The following CADM1 variants were observed in gnomAD, a reference collection of about 807,000 sequenced individuals.
The protein encoded by CADM1 is TSLC-1.
Under a neutral mutation model 53.1 loss-of-function variants are expected in CADM1, and 15 were observed. The observed-to-expected ratio is 0.28, with a 90% confidence interval of 0.19 to 0.44. The LOEUF is 0.44. CADM1 is among the 20% of genes least tolerant of loss of function. The probability of loss-of-function intolerance (pLI) is 1.00; values close to 1 mark genes in which losing one functional copy is unlikely to be tolerated. For synonymous variants in CADM1, 281 were observed against 243.0 expected (o/e 1.16, Z -1.45); for missense variants, 434 against 611.3 (o/e 0.71, Z 3.06).
At chr11:115,384,385 A>G (rs760761167) in intron 1 of CADM1, among the ~76,000 whole-genome samples, 7 of 152,184 alleles carry the variant, frequency 4.6e-5, no homozygotes, top group Non-Finnish European at 7.4e-5. Context: ...CCACATTGAC[A>G]GTTAAGGGCA....
intron 10 of CADM1, chr11:115,179,046 T>G (rs1230780521): frequency 4.4e-6 from 2 of 458,244 alleles, no homozygotes; most frequent in Admixed American, 6.4e-5. Flanking sequence ...AAGGAAGAAA[T>G]AGTCTATCCG....
At chr11:115,381,519 A>G (rs1451122215) in intron 1 of CADM1, among the ~76,000 whole-genome samples, 1 of 152,208 alleles carries the variant, frequency 6.6e-6, no homozygotes, top group African/African-American at 2.4e-5. Flanking sequence ...AGATAAACCT[A>G]GGTTCATAGC....
chr11:115,301,135 A>G (rs545633985), intron 1 of CADM1, among the ~76,000 whole-genome samples: 32 of 152,248 alleles, frequency 2.1e-4, no homozygotes, highest in African/African-American at 7.0e-4. Context: ...GCATCAGCAC[A>G]TTAGACTGAA....
chr11:115,250,178 C>T (rs570959194), intron 1 of CADM1, among the ~76,000 whole-genome samples: 21 of 152,348 alleles, frequency 1.4e-4, no homozygotes, highest in African/African-American at 5.1e-4. Flanking sequence ...GCTGGGATTA[C>T]AAGCATGAGC....
At chr11:115,254,593 C>CACACACACACACAGAG (rs1491508599) in intron 1 of CADM1, among the ~76,000 whole-genome samples, 2 of 136,296 alleles carry the variant, frequency 1.5e-5, no homozygotes, top group African/African-American at 5.8e-5. Context: ...CACACACACA[C>CACACACACACACAGAG]AGAGACAACA....
intron 1 of CADM1, among the ~76,000 whole-genome samples, chr11:115,333,806 T>C (rs995352789): frequency 6.6e-6 from 1 of 152,132 alleles, no homozygotes; most frequent in Admixed American, 6.6e-5. Flanking sequence ...GTACAGTAGT[T>C]AGCGTATAGG....
rs56270694 is a variant in CADM1 at position 115,206,758 on chromosome 11, C to CTTTTTTTTTTTTTTTT, written c.1078+2800_1078+2815dup. 3.5e-3 allele frequency among the ~76,000 whole-genome samples: 135 copies of CTTTTTTTTTTTTTTTT among 38,232 alleles called. 54 individuals carry two copies. Among genetic ancestry groups the CTTTTTTTTTTTTTTTT allele is most frequent in the African/African-American group, 6.5e-3 (67 of 10,348 alleles). 25.1% of individuals were successfully genotyped at this position (38,232 alleles called of 152,430 possible). A position where few individuals can be genotyped will look rare whatever the true frequency, so the allele number is the denominator to read the frequency against. On this transcript the variant is annotated intron_variant, in intron 8 of 11. Coordinates refer to ENST00000331581, the MANE Select transcript of CADM1 (RefSeq NM_001301043.2). ...AAAAGAAATAGATGACTGTGGACTT[C>CTTTTTTTTTTTTTTTT]TTTTTTTTTTTTTTTTTTTTTTTTT...
intron 1 of CADM1, among the ~76,000 whole-genome samples, chr11:115,444,932 G>C (rs552893648): frequency 6.6e-6 from 1 of 152,146 alleles, no homozygotes; most frequent in East Asian, 1.9e-4. Flanking sequence ...TTTGCAGGGG[G>C]CAGGCACGTG....
chr11:115,296,627 C>T (rs1322146191), intron 1 of CADM1, among the ~76,000 whole-genome samples: 2 of 152,122 alleles, frequency 1.3e-5, no homozygotes, highest in African/African-American at 2.4e-5. Flanking sequence ...AGCATGAAAG[C>T]CCTCACCAGA....
chr11:115,231,524 G>C (rs1345067338), intron 3 of CADM1, 34 bp from the exon 4 acceptor site: 14 of 1,605,582 alleles, frequency 8.7e-6, no homozygotes, highest in Non-Finnish European at 1.2e-5. Context: ...TATAAACACA[G>C]AATGCATTTT....
intron 1 of CADM1, among the ~76,000 whole-genome samples, chr11:115,386,362 A>G (rs1946698610): frequency 6.6e-6 from 1 of 152,240 alleles, no homozygotes; most frequent in African/African-American, 2.4e-5. Context: ...TTTAAGTCTT[A>G]TTGTTAAAAA....
chr11:115,301,375 G>A (rs1944216547), intron 1 of CADM1, among the ~76,000 whole-genome samples: 1 of 152,096 alleles, frequency 6.6e-6, no homozygotes, highest in Non-Finnish European at 1.5e-5. Flanking sequence ...TTAGTTTGAA[G>A]AGCAGAGCAC....
chr11:115,289,256 T>C (rs1323137593), intron 1 of CADM1, among the ~76,000 whole-genome samples: 1 of 151,638 alleles, frequency 6.6e-6, no homozygotes, highest in Non-Finnish European at 1.5e-5. Flanking sequence ...TCCCAGCTAC[T>C]AGGGAGGCTG....
At chr11:115,205,126 C>A (rs926296365) in intron 8 of CADM1, among the ~76,000 whole-genome samples, 1 of 152,024 alleles carries the variant, frequency 6.6e-6, no homozygotes, top group African/African-American at 2.4e-5. Flanking sequence ...TCTAGTGTGA[C>A]CTCCAGGTTG....
At chr11:115,281,355 G>A (rs923094719) in intron 1 of CADM1, among the ~76,000 whole-genome samples, 2 of 152,130 alleles carry the variant, frequency 1.3e-5, no homozygotes, top group African/African-American at 4.8e-5. Flanking sequence ...TTTAATTTTA[G>A]GGAACTGTCC....
intron 1 of CADM1, among the ~76,000 whole-genome samples, chr11:115,446,711 G>A (rs1225658055): frequency 1.3e-5 from 2 of 152,112 alleles, no homozygotes; most frequent in Non-Finnish European, 2.9e-5. Flanking sequence ...ATAAACCTAT[G>A]TAGCCTAAAA....
intron 1 of CADM1, among the ~76,000 whole-genome samples, chr11:115,383,695 CA>C (rs1346765548): frequency 1.3e-5 from 2 of 151,950 alleles, no homozygotes; most frequent in Non-Finnish European, 2.9e-5. Flanking sequence ...ATGCACAGTG[CA>C]AAAAAGTTTA....
intron 1 of CADM1, among the ~76,000 whole-genome samples, chr11:115,416,438 C>G (rs1947598977): frequency 6.6e-6 from 1 of 152,046 alleles, no homozygotes; most frequent in African/African-American, 2.4e-5. Context: ...ACAGTAAACT[C>G]AAGTAGCACA....
Position 115,175,249 on chromosome 11 carries a change from G to A in CADM1, c.*1225C>T. On this transcript the variant is annotated 3_prime_UTR_variant, in exon 12 of 12. Coordinates refer to ENST00000331581, the MANE Select transcript of CADM1 (RefSeq NM_001301043.2). The stretch of plus-strand genomic sequence containing the variant: ...CCCTTCTTTTGTACCTCCTGCCTTT[G>A]TCAAGCCAAATCTGAAGGAATGAAA... 1 of 985,620 alleles carries A rather than the reference G, an allele frequency of 1.0e-6. No individual in the cohort carries two copies. The highest frequency in any genetic ancestry group is 4.7e-5 in the South Asian group (1 of 21,272). 61.1% of individuals were successfully genotyped at this position (985,620 alleles called of 1,614,324 possible).
Sources: gnomAD v4.1 joint callset for allele counts (sites outside exome capture counted in the v4.1 genomes callset) on GRCh38, gnomAD v4.1.1 for gene constraint, MANE v1.5 for transcripts, NCBI Gene and HGNC (gene_info 2026-07-23, HGNC 2026-07-21) for gene names.